Variants in TAF1 observed in about 807,000 individuals in gnomAD.
TAF1 encodes TATA-box binding protein associated factor 1.
TAF1 carries 2 observed loss-of-function variants against 138.5 expected under a neutral mutation model. That is an observed-to-expected ratio of 0.01 (90% CI 0.01 to 0.05). The LOEUF (loss-of-function observed/expected upper bound fraction) is 0.05. Among genes scored for constraint, TAF1 ranks in the 10% least tolerant of loss-of-function variants. TAF1 has a pLI of 1.00. For synonymous variants in TAF1, 437 were observed against 503.2 expected (o/e 0.87, Z 1.76); for missense variants, 709 against 1,478.0 (o/e 0.48, Z 8.53).
At position 71,366,473 on chromosome X, in the gene TAF1, G is replaced by A; in HGVS notation, c.99G>A (p.Glu33=). The part of the protein sequence containing the change: ...FGNINGAGQL[E]GESVLDDECK... ...ACATCAATGGAGCCGGGCAGCTGGA[G>A]GGGGAAAGCGTCTTGGATGATGTGA... Residue 33 remains glutamate (E), a synonymous_variant, in exon 1 of 38, where the codon GAG becomes GAA. Transcript: ENST00000423759. The A allele has an allele frequency of 2.5e-6, 3 of 1,201,049 alleles. No individual in the cohort carries two copies. The highest frequency in any genetic ancestry group is 3.4e-6 in the Non-Finnish European group (3 of 891,122).
chrX:71,437,448 A>G (rs1405800796), intron 32 of TAF1, among the ~76,000 whole-genome samples: 1 of 109,459 alleles, frequency 9.1e-6, no homozygotes, highest in Non-Finnish European at 1.9e-5. Context: ...GTGGCTCACA[A>G]CAGTAATCCC....
At chrX:71,437,931 A>G (rs1434839385) in intron 32 of TAF1, among the ~76,000 whole-genome samples, 1 of 100,230 alleles carries the variant, frequency 1.0e-5, no homozygotes, top group African/African-American at 3.8e-5. Flanking sequence ...CGCTTCCTGG[A>G]TTCAAACGTT....
chrX:71,482,084 C>T (rs970224031), intron 13 of TAF1, among the ~76,000 whole-genome samples: 3 of 111,784 alleles, frequency 2.7e-5, no homozygotes, highest in Non-Finnish European at 5.6e-5. Context: ...GTGCTTGTTG[C>T]CTTATGATCA....
exon 14 of TAF1, chrX:71,528,719 C>A (rs772250243): frequency 6.1e-6 from 2 of 327,935 alleles, no homozygotes; most frequent in Admixed American, 6.3e-5. Context: ...AGCCGTGGAC[C>A]TTCGCGGTGA....
chrX:71,389,771 GT>G (rs1483397548), intron 18 of TAF1, 106 bp downstream of exon 18: 1 of 579,277 alleles, frequency 1.7e-6, no homozygotes. Flanking sequence ...CACATTTAAA[GT>G]ATACTGTTAG....
intron 35 of TAF1, among the ~76,000 whole-genome samples, chrX:71,458,777 A>G (rs972376859): frequency 5.3e-5 from 6 of 112,178 alleles, no homozygotes; most frequent in African/African-American, 1.6e-4. Flanking sequence ...GGTATCAGAA[A>G]TATCTACAGC....
rs41370846 is a variant in TAF1, at chrX:71,504,741, CAAAAAAAAAAAAAAAA to C, written c.1367-23784_1367-23769del. 8.8e-4 allele frequency among the ~76,000 whole-genome samples: 5 copies of C among 5,702 alleles called. No individual in the cohort carries two copies. In the Admixed American group the frequency reaches 0.014, roughly 16 times the overall value. 5.0% of individuals were successfully genotyped at this position (5,702 alleles called of 115,157 possible). ...TGGGTGACAGAATGAGACCCTGTCT[CAAAAAAAAAAAAAAAA>C]AAAAAAAAAAAAAAAAGAAAAGAAA... On this transcript the variant is annotated intron_variant and NMD_transcript_variant, in intron 13 of 14. Transcript: ENST00000373775.
chrX:71,509,676 A>G (rs1209912221), intron 13 of TAF1, among the ~76,000 whole-genome samples: 3 of 111,228 alleles, frequency 2.7e-5, no homozygotes, highest in African/African-American at 9.8e-5. Flanking sequence ...CTGTCTCTAA[A>G]AAACAAAAAT....
At chrX:71,517,081 C>T (rs1040590863) in intron 13 of TAF1, among the ~76,000 whole-genome samples, 9 of 109,522 alleles carry the variant, frequency 8.2e-5, no homozygotes, top group African/African-American at 2.0e-4. Context: ...AGATTCAAAG[C>T]GTGACAGGAA....
rs771910984 is a variant in TAF1, at chrX:71,459,549, C to T, written c.5065-3C>T. ...ACTTTGACCCCCAACTGGTCTCATT[C>T]AGGAAGGTGAAGATGGAGATGGTGA... On this transcript the variant is annotated splice_polypyrimidine_tract_variant and splice_region_variant and intron_variant, in intron 35 of 37. Coordinates refer to ENST00000423759, the MANE Select transcript of TAF1 (RefSeq NM_004606.5). 3.3e-6 allele frequency: 4 copies of T among 1,210,099 alleles called. No individual in the cohort carries two copies. In the South Asian group the frequency reaches 5.3e-5, roughly 16 times the overall value.
intron 3 of TAF1, among the ~76,000 whole-genome samples, chrX:71,369,999 C>T: frequency 9.1e-6 from 1 of 109,993 alleles, no homozygotes; most frequent in East Asian, 3.0e-4. Flanking sequence ...CCCAGGTGGG[C>T]AGATCACGTG....
At position 71,428,011 on chromosome X, in the gene TAF1, A is replaced by AT. The variant is rs779199962; in HGVS notation, c.4753+3793dup. On this transcript the variant is annotated intron_variant, in intron 32 of 37. Transcript: ENST00000423759. ...TTTTTAAACCTATTAGATTAGCTCA[A>AT]TTTTTTTTTTTTTTTTTTTTCTGAG... Among the ~76,000 whole-genome samples, 220 of 74,428 alleles carry AT rather than the reference A, an allele frequency of 3.0e-3. 2 individuals carry two copies. Among genetic ancestry groups the AT allele is most frequent in the East Asian group, 6.6e-3 (12 of 1,820 alleles). 64.6% of individuals were successfully genotyped at this position (74,428 alleles called of 115,157 possible).
In TAF1 at chrX:71,382,449, A is replaced by G; in HGVS notation, c.1538-87A>G. The G allele has an allele frequency of 2.7e-6, 3 of 1,129,597 alleles. No individual in the cohort carries two copies. In the South Asian group the frequency reaches 6.4e-5, roughly 24 times the overall value. The allele number at this position is 1,129,597 out of a possible 1,213,427, so 93.1% of individuals were successfully genotyped here. A position where few individuals can be genotyped will look rare whatever the true frequency, so the allele number is the denominator to read the frequency against. ...TAAGACCTTCACTGGAACATCCGTC[A>G]CCTTAAAGAAGAAAACTGGATACTT... On this transcript the variant is annotated intron_variant, in intron 9 of 37. Transcript: ENST00000423759.
chrX:71,391,874 G>A (rs773363194), intron 18 of TAF1, among the ~76,000 whole-genome samples: 2 of 110,714 alleles, frequency 1.8e-5, no homozygotes, highest in South Asian at 7.7e-4. Context: ...AGATCTGCCC[G>A]CCTCAGCCTC....
At position 71,423,926 on chromosome X, in the gene TAF1, G is replaced by A. The variant is rs186280771; in HGVS notation, c.4576-48G>A. 8.8e-4 allele frequency: 893 copies of A among 1,015,348 alleles called. 1 individual carries two copies. Among genetic ancestry groups the A allele is most frequent in the Non-Finnish European group, 1.2e-3 (849 of 734,803 alleles). The allele number at this position is 1,015,348 out of a possible 1,213,427, so 83.7% of individuals were successfully genotyped here. On this transcript the variant is annotated intron_variant, in intron 30 of 37. Coordinates refer to ENST00000423759, the MANE Select transcript of TAF1 (RefSeq NM_004606.5). ...ACCCAACAAAGGTGGTGAAATTCTC[G>A]TATGAAGAGTGGTTTCCATTTAATT...
rs191933860 is a variant in TAF1, at chrX:71,512,029, A to T, written c.1367-16513A>T. Among the ~76,000 whole-genome samples, 3 of 105,719 alleles carry T rather than the reference A, an allele frequency of 2.8e-5. No individual in the cohort carries two copies. The East Asian group carries it at 8.9e-4, about 31-fold the overall frequency. 91.8% of individuals were successfully genotyped at this position (105,719 alleles called of 115,157 possible). ...GACCTTGTCTCAAAAAAAAAAAAAA[A>T]GGGGGCTGGGCACTGTGGCTTACAC... On this transcript the variant is annotated intron_variant and NMD_transcript_variant, in intron 13 of 14. Transcript: ENST00000373775.
At chrX:71,517,656 T>C (rs951984983) in intron 13 of TAF1, among the ~76,000 whole-genome samples, 1 of 111,969 alleles carries the variant, frequency 8.9e-6, no homozygotes, top group Non-Finnish European at 1.9e-5. Flanking sequence ...TTTAGCCTCA[T>C]ATGAGTTTGA....
At chrX:71,519,321 T>C (rs1238127325) in intron 13 of TAF1, among the ~76,000 whole-genome samples, 26 of 95,297 alleles carry the variant, frequency 2.7e-4, no homozygotes, top group Non-Finnish European at 4.4e-4. Flanking sequence ...AGACTCCGTC[T>C]CAAAAAAAAA....
At chrX:71,509,153 C>T (rs2039689760) in intron 13 of TAF1, among the ~76,000 whole-genome samples, 3 of 111,254 alleles carry the variant, frequency 2.7e-5, no homozygotes, top group Non-Finnish European at 5.7e-5. Context: ...TAGGAAGTGG[C>T]AAGTCATGGG....
Sources: allele counts gnomAD v4.1 joint callset (sites outside exome capture counted in the v4.1 genomes callset), GRCh38; gene constraint gnomAD v4.1.1; transcripts MANE v1.5; gene names NCBI Gene and HGNC (gene_info 2026-07-23, HGNC 2026-07-21).